Variants in CCDC186 observed in about 807,000 individuals in gnomAD.
CCDC186 encodes coiled-coil domain containing 186.
CCDC186 carries 49 observed loss-of-function variants against 113.7 expected under a neutral mutation model. The ratio of observed to expected loss-of-function variants is 0.43; its 90% CI spans 0.34 to 0.55. The LOEUF is 0.55. CCDC186 is among the 20% of genes least tolerant of loss of function. CCDC186 has a pLI of 0.02. For synonymous variants in CCDC186, 355 were observed against 345.8 expected, an observed-to-expected ratio of 1.03 and a Z score of -0.30; for missense variants, 890 against 1,011.1, an observed-to-expected ratio of 0.88 and a Z score of 1.62.
intron 1 of CCDC186, among the ~76,000 whole-genome samples, chr10:114,172,218 CCTT>C (rs1334800872): frequency 6.6e-6 from 1 of 152,170 alleles, no homozygotes; most frequent in Non-Finnish European, 1.5e-5. Flanking sequence ...GATTACCAGT[CCTT>C]CTTCAAAGGG....
intron 7 of CCDC186, among the ~76,000 whole-genome samples, chr10:114,136,552 C>T (rs1013466101): frequency 6.6e-6 from 1 of 152,104 alleles, no homozygotes; most frequent in African/African-American, 2.4e-5. Context: ...GAAAGCATTG[C>T]AATTAAGTTT....
At position 114,148,850 on chromosome 10, in the gene CCDC186, T is replaced by A. The variant is rs578202719; in HGVS notation, c.888+2242A>T. On this transcript the variant is annotated intron_variant, in intron 4 of 15. Coordinates refer to ENST00000369287, the MANE Select transcript of CCDC186 (RefSeq NM_018017.4). ...GTTCAAATTCATTCTATCTATCTGG[T>A]CTATGAAATGAGGAAACCTCAATCT... 3.9e-5 allele frequency among the ~76,000 whole-genome samples: 6 copies of A among 152,320 alleles called. No homozygotes were observed. The South Asian group carries it at 1.2e-3, about 32-fold the overall frequency.
At chr10:114,141,613 G>A (rs1188117803) in intron 6 of CCDC186, among the ~76,000 whole-genome samples, 10 of 151,798 alleles carry the variant, frequency 6.6e-5, no homozygotes, top group African/African-American at 1.9e-4. Flanking sequence ...CCCCTCCTCT[G>A]TAGTTTCCTC....
chr10:114,134,018 A>G (rs1302603086), intron 10 of CCDC186, among the ~76,000 whole-genome samples: 1 of 152,252 alleles, frequency 6.6e-6, no homozygotes, highest in Non-Finnish European at 1.5e-5. Context: ...AAGTCAGAAG[A>G]GATGAAATCC....
In CCDC186 at chr10:114,131,910, A is replaced by C; in HGVS notation, c.1911+19T>G. On this transcript the variant is annotated intron_variant, in intron 11 of 15. Coordinates refer to ENST00000369287, the MANE Select transcript of CCDC186 (RefSeq NM_018017.4). The stretch of plus-strand genomic sequence containing the variant: ...GTGCTTGTTACGTTGTTTTAAAAAA[A>C]ATGTAAATTTATACTTACCAAATTA... The C allele has an allele frequency of 6.4e-7, 1 of 1,574,498 alleles. No homozygotes were observed.
chr10:114,174,218 A>C (rs1243243927), upstream of CCDC186: 1 of 422,746 alleles, frequency 2.4e-6, no homozygotes, highest in Non-Finnish European at 4.9e-6. Context: ...GCGACACTGA[A>C]GCCGGCCCGG....
intron 3 of CCDC186, among the ~76,000 whole-genome samples, chr10:114,154,384 A>G (rs900313353): frequency 2.0e-5 from 3 of 152,040 alleles, no homozygotes; most frequent in Non-Finnish European, 4.4e-5. Context: ...ATTACTACTG[A>G]CCTTATAGAA....
rs2032623210 is a variant in CCDC186 at position 114,174,042 on chromosome 10, C to A, written c.-89G>T. On this transcript the variant is annotated 5_prime_UTR_variant, in exon 1 of 16. Transcript: ENST00000369287. The stretch of plus-strand genomic sequence containing the variant: ...CACTTATCCAAGCCTCAGGCCACGC[C>A]CTAACAAGGCTGCTGGAGCTCTGGC... 4.2e-6 allele frequency: 2 copies of A among 471,864 alleles called. No homozygotes were observed. The highest frequency in any genetic ancestry group is 1.4e-4 in the East Asian group (2 of 14,402). The allele number at this position is 471,864 out of a possible 1,614,324, so 29.2% of individuals were successfully genotyped here. A position where few individuals can be genotyped will look rare whatever the true frequency, so the allele number is the denominator to read the frequency against.
At chr10:114,168,762 C>G (rs2032405804) in intron 1 of CCDC186, among the ~76,000 whole-genome samples, 1 of 152,200 alleles carries the variant, frequency 6.6e-6, no homozygotes, top group Non-Finnish European at 1.5e-5. Context: ...TACTACTTGG[C>G]TGCCTCTGCA....
In CCDC186 at chr10:114,131,281, T is replaced by C; in HGVS notation, c.1967A>G (p.Gln656Arg). The C allele has an allele frequency of 6.2e-7, 1 of 1,602,580 alleles. No individual in the cohort carries two copies. Among genetic ancestry groups the C allele is most frequent in the East Asian group, 2.3e-5 (1 of 44,076 alleles). The change falls in exon 12 of 16, where the codon CAA becomes CGA. Residue 656 changes from glutamine to arginine, a missense_variant. Physicochemically the swap from Gln to Arg is conservative, Grantham distance 43 (BLOSUM62 1). Transcript: ENST00000369287. Reference sequence around the variant, plus strand: ...TGTTTGTCTACAAGCGAGTTCAGCTTGCAGAGTTTGGACTTCCTCTTTTCG... The same window carrying C: ...TGTTTGTCTACAAGCGAGTTCAGCTCGCAGAGTTTGGACTTCCTCTTTTCG... ...ELRKEEVQTL[Q>R]AELACRQTEV...
chr10:114,156,453 T>C (rs919021873), intron 3 of CCDC186, among the ~76,000 whole-genome samples: 1 of 152,218 alleles, frequency 6.6e-6, no homozygotes. Flanking sequence ...CCAGGGGCAG[T>C]GGTTCATGCC....
At chr10:114,148,494 A>G (rs2031715133) in intron 4 of CCDC186, among the ~76,000 whole-genome samples, 1 of 152,252 alleles carries the variant, frequency 6.6e-6, no homozygotes, top group African/African-American at 2.4e-5. Flanking sequence ...TAAGATAATC[A>G]ATAGGACTCA....
At position 114,139,345 on chromosome 10, in the gene CCDC186, C is replaced by T. The variant is rs564548398; in HGVS notation, c.1222-2055G>A. Among the ~76,000 whole-genome samples the T allele has an allele frequency of 6.6e-5, 10 of 152,032 alleles. No individual in the cohort carries two copies. The South Asian group carries it at 1.2e-3, about 19-fold the overall frequency. On this transcript the variant is annotated intron_variant, in intron 6 of 15. Coordinates refer to ENST00000369287, the MANE Select transcript of CCDC186 (RefSeq NM_018017.4). ...TGGGAGGCCGAGGCAGATGGATCAC[C>T]TGAGGTCAGGAGTTGAAGACCAACC... is the stretch of plus-strand genomic sequence containing the variant.
intron 5 of CCDC186, 78 bp from the exon 6 acceptor site, chr10:114,144,694 A>G: frequency 1.5e-6 from 2 of 1,292,550 alleles, no homozygotes; most frequent in South Asian, 2.8e-5. Flanking sequence ...CCACAAAGTA[A>G]TCAGTCCAGT....
chr10:114,126,486 A>G (rs2030905461), intron 14 of CCDC186, among the ~76,000 whole-genome samples: 4 of 152,106 alleles, frequency 2.6e-5, no homozygotes, highest in Admixed American at 2.0e-4. Flanking sequence ...CCTTCTGAGC[A>G]GCTAGGACCA....
intron 10 of CCDC186, among the ~76,000 whole-genome samples, chr10:114,134,554 C>T (rs538984372): frequency 5.3e-5 from 8 of 152,240 alleles, no homozygotes; most frequent in Non-Finnish European, 7.4e-5. Context: ...ATGTCAGCTC[C>T]GGATCTTAAG....
intron 1 of CCDC186, among the ~76,000 whole-genome samples, chr10:114,169,173 A>G (rs2032416684): frequency 6.6e-6 from 1 of 152,006 alleles, no homozygotes; most frequent in African/African-American, 2.4e-5. Flanking sequence ...TAAGTATATT[A>G]AGAGAAATTT....
In CCDC186 at chr10:114,174,149, C is replaced by A; in HGVS notation, c.-196G>T. On this transcript the variant is annotated 5_prime_UTR_variant, in exon 1 of 16. It adds an upstream start codon to the 5' untranslated region. Coordinates refer to ENST00000369287, the MANE Select transcript of CCDC186 (RefSeq NM_018017.4). ...CCGCGGTGAGAAACACAGCCGACGC[C>A]TCACTCAGCGGCCGTTTCCCCAAAC... 4.3e-6 allele frequency: 2 copies of A among 470,332 alleles called. No individual in the cohort carries two copies. Among genetic ancestry groups the A allele is most frequent in the Non-Finnish European group, 8.9e-6 (2 of 225,954 alleles). The allele number at this position is 470,332 out of a possible 1,614,324, so 29.1% of individuals were successfully genotyped here.
In CCDC186 at chr10:114,162,977, T is replaced by C. The variant is rs374294180; in HGVS notation, c.292A>G (p.Ser98Gly). The change falls in exon 2 of 16, where the codon AGT becomes GGT. Residue 98 changes from serine (S) to glycine (G), a missense_variant. Transcript: ENST00000369287. ...GAAATATGTTTAGCAAAATTTCCAC[T>C]AGGAAAATTAGCTATTTGTTCAGAA... Reference protein sequence around the residue: ...ENSEQIANFPSGNFAKHISKT... With the variant: ...ENSEQIANFPGGNFAKHISKT... 9.9e-6 allele frequency: 16 copies of C among 1,613,848 alleles called. No homozygotes were observed. The highest frequency in any genetic ancestry group is 1.4e-5 in the Non-Finnish European group (16 of 1,179,906).
Sources: allele counts gnomAD v4.1 joint callset (sites outside exome capture counted in the v4.1 genomes callset), GRCh38; gene constraint gnomAD v4.1.1; transcripts MANE v1.5; gene names NCBI Gene and HGNC (gene_info 2026-07-23, HGNC 2026-07-21).